EPB41L1: variants seen among roughly 807,000 people sequenced by gnomAD.
The protein encoded by EPB41L1 is erythrocyte membrane protein band 4.1 like 1.
Under a neutral mutation model 97.8 loss-of-function variants are expected in EPB41L1, and 29 were observed. That is an observed-to-expected ratio of 0.30 (90% confidence interval 0.22 to 0.40). The LOEUF is 0.40. Among genes scored for constraint, EPB41L1 ranks in the 10% least tolerant of loss-of-function variants. EPB41L1 has a pLI of 1.00. For synonymous variants in EPB41L1, 383 were observed against 459.2 expected (o/e 0.83, Z 2.12); for missense variants, 812 against 1,162.3 (o/e 0.70, Z 4.38).
chr20:36,219,161 G>A (rs1012074412), intron 18 of EPB41L1, among the ~76,000 whole-genome samples, 199 bp downstream of exon 18: 21 of 152,168 alleles, frequency 1.4e-4, no homozygotes, highest in African/African-American at 3.6e-4. Flanking sequence ...CCTCCCCACC[G>A]CCCACACATG....
intron 18 of EPB41L1, 34 bp from the exon 19 acceptor site, chr20:36,219,727 G>A: frequency 1.2e-6 from 2 of 1,602,062 alleles, no homozygotes; most frequent in African/African-American, 1.3e-5. Flanking sequence ...GTCCTTACCT[G>A]ACACCCTGGG....
chr20:36,203,015 A>AGGGGGC (rs1455745187), intron 14 of EPB41L1, among the ~76,000 whole-genome samples: 1 of 152,102 alleles, frequency 6.6e-6, no homozygotes, highest in East Asian at 1.9e-4. Context: ...ACCTGACGGC[A>AGGGGGC]GGGGGCGCTC....
intron 1 of EPB41L1, among the ~76,000 whole-genome samples, chr20:36,172,125 T>C (rs2061017330): frequency 6.6e-6 from 1 of 152,224 alleles, no homozygotes; most frequent in African/African-American, 2.4e-5. Flanking sequence ...GTCTCACTCT[T>C]ATCACCCAGG....
intron 2 of EPB41L1, among the ~76,000 whole-genome samples, chr20:36,142,208 A>G (rs1207257457): frequency 1.3e-5 from 2 of 152,098 alleles, no homozygotes; most frequent in Non-Finnish European, 2.9e-5. Flanking sequence ...TTTTACCTGT[A>G]TTGTGTTAAG....
At chr20:36,119,883 C>T (rs2058698088) in intron 2 of EPB41L1, among the ~76,000 whole-genome samples, 1 of 152,210 alleles carries the variant, frequency 6.6e-6, no homozygotes, top group East Asian at 1.9e-4. Flanking sequence ...GCCCTTTCTT[C>T]AATACCACTC....
chr20:36,221,464 C>T (rs938905225), intron 19 of EPB41L1, among the ~76,000 whole-genome samples: 2 of 152,194 alleles, frequency 1.3e-5, no homozygotes, highest in Admixed American at 6.5e-5. Context: ...ACCCTGCCTT[C>T]AAGAGCTGGC....
At chr20:36,200,807 C>T (rs908466224) in intron 14 of EPB41L1, 6 of 445,302 alleles carry the variant, frequency 1.3e-5, no homozygotes, top group African/African-American at 1.2e-4. Context: ...CCCTCTCTTC[C>T]TGTCTCTGTC....
In EPB41L1 at chr20:36,209,787, G is replaced by C. The variant is rs2063029445; in HGVS notation, c.1968G>C (p.Leu656=). The C allele has an allele frequency of 1.9e-6, 3 of 1,614,036 alleles. No homozygotes were observed. Among genetic ancestry groups the C allele is most frequent in the South Asian group, 2.2e-5 (2 of 91,086 alleles). The change falls in exon 15 of 22, where the codon CTG becomes CTC. Residue 656 remains leucine (L), a synonymous_variant. Coordinates refer to ENST00000338074, the MANE Select transcript of EPB41L1 (RefSeq NM_012156.2). The surrounding 1 kb of genome is among the most constrained non-coding windows in gnomAD (Gnocchi z 4.2). ...DKSDSDTEGL[L]FSRDLNKGAP... is the part of the protein sequence containing the mutation. ...GCGACTCGGACACTGAGGGCCTGCT[G>C]TTCTCCCGGGATCTCAACAAGGGGG... is the stretch of plus-strand genomic sequence containing the variant.
intron 5 of EPB41L1, among the ~76,000 whole-genome samples, chr20:36,181,369 T>C (rs141174946): frequency 2.4e-4 from 37 of 152,348 alleles, no homozygotes; most frequent in Middle Eastern, 6.8e-3. Context: ...TTGCAGAGCT[T>C]GCTTCCAGCT....
At chr20:36,198,269 G>A (rs2062313557) in intron 14 of EPB41L1, among the ~76,000 whole-genome samples, 1 of 152,170 alleles carries the variant, frequency 6.6e-6, no homozygotes, top group Middle Eastern at 3.2e-3. Flanking sequence ...CAAGACTCAT[G>A]GTAGCTTGGC....
At chr20:36,186,049 G>T (rs1283546527) in intron 7 of EPB41L1, among the ~76,000 whole-genome samples, 2 of 152,176 alleles carry the variant, frequency 1.3e-5, no homozygotes, top group African/African-American at 4.8e-5. Flanking sequence ...TAGATTATCA[G>T]TGTCTCTCAA....
upstream of EPB41L1, chr20:36,152,522 C>T (rs1159747212): frequency 6.1e-6 from 1 of 162,730 alleles, no homozygotes. Context: ...GAGCCTTGGC[C>T]ATGCAGCCCA....
chr20:36,184,124 A>T (rs1451479122), intron 6 of EPB41L1, among the ~76,000 whole-genome samples: 1 of 152,112 alleles, frequency 6.6e-6, no homozygotes, highest in Non-Finnish European at 1.5e-5. Context: ...AATCCCAGCT[A>T]CTCAGGAGGC....
At chr20:36,136,420 T>C (rs1035830257) in intron 2 of EPB41L1, among the ~76,000 whole-genome samples, 2 of 149,340 alleles carry the variant, frequency 1.3e-5, no homozygotes, top group East Asian at 2.0e-4. Context: ...CCTCAAGTGA[T>C]CCAACTGCCT....
intron 1 of EPB41L1, among the ~76,000 whole-genome samples, chr20:36,105,691 C>A (rs1426498290): frequency 6.6e-6 from 1 of 152,116 alleles, no homozygotes; most frequent in Non-Finnish European, 1.5e-5. Context: ...TGAGCCCCTC[C>A]CTCTTCTCAG....
At chr20:36,123,035 C>T (rs1475575707) in intron 2 of EPB41L1, among the ~76,000 whole-genome samples, 2 of 151,946 alleles carry the variant, frequency 1.3e-5, no homozygotes, top group African/African-American at 4.8e-5. Context: ...TTTCTATAGT[C>T]TGGCCTGCCC....
chr20:36,202,481 T>A (rs912152142), intron 14 of EPB41L1, among the ~76,000 whole-genome samples: 3 of 152,050 alleles, frequency 2.0e-5, no homozygotes, highest in Non-Finnish European at 4.4e-5. Context: ...CCCCTTACCC[T>A]GGACCCCCTC....
At position 36,212,481 on chromosome 20, in the gene EPB41L1, C is replaced by T. The variant is rs1267704797; in HGVS notation, c.2184+105C>T. 27 of 926,822 alleles carry T rather than the reference C, an allele frequency of 2.9e-5. No individual in the cohort carries two copies. The highest frequency in any genetic ancestry group is 4.6e-5 in the Non-Finnish European group (27 of 581,140). 57.4% of individuals were successfully genotyped at this position (926,822 alleles called of 1,614,324 possible). On this transcript the variant is annotated intron_variant, in intron 16 of 21. Transcript: ENST00000338074. The surrounding 1 kb of genome is among the most constrained non-coding windows in gnomAD (Gnocchi z 4.8). ...CCTTGGCCAGCTCTTTTAATCTCAG[C>T]TTCCCTGGAACCCATATGTTAATCC...
rs141991703 is a variant in EPB41L1, at chr20:36,192,865, G to A, written c.1301-1347G>A. ...ACAGAAATGGCTCTGCAGAAAGGGT[G>A]CCAACTGGGCAGGGTTTGGAAGGAT... On this transcript the variant is annotated intron_variant, in intron 11 of 21. Coordinates refer to ENST00000338074, the MANE Select transcript of EPB41L1 (RefSeq NM_012156.2). Among the ~76,000 whole-genome samples the A allele has an allele frequency of 5.6e-4, 85 of 152,326 alleles. 2 individuals are homozygous for A. The South Asian group carries it at 6.6e-3, about 12-fold the overall frequency.
Sources: allele counts gnomAD v4.1 joint callset (sites outside exome capture counted in the v4.1 genomes callset), GRCh38; gene constraint gnomAD v4.1.1; non-coding constraint Gnocchi (gnomAD v3.1); transcripts MANE v1.5; gene names NCBI Gene and HGNC (gene_info 2026-07-23, HGNC 2026-07-21).